The following PRKD1 variants were observed in gnomAD, a reference collection of about 807,000 sequenced individuals.
PRKD1 encodes protein kinase D1, also known as serine/threonine-protein kinase D1.
PRKD1 carries 63 observed loss-of-function variants against 95.9 expected under a neutral mutation model. The observed-to-expected ratio is 0.66, with a 90% CI of 0.54 to 0.81. The LOEUF is 0.81. PRKD1 is among the 30% of genes least tolerant of loss of function. The probability of loss-of-function intolerance (pLI) is 0.00; values close to 1 mark genes in which losing one functional copy is unlikely to be tolerated. For synonymous variants in PRKD1, 425 were observed against 423.1 expected (o/e 1.00, Z -0.05); for missense variants, 1,048 against 1,165.3 (o/e 0.90, Z 1.47).
At chr14:29,782,880 T>C (rs1393072502) in intron 1 of PRKD1, among the ~76,000 whole-genome samples, 1 of 152,104 alleles carries the variant, frequency 6.6e-6, no homozygotes, top group Non-Finnish European at 1.5e-5. Flanking sequence ...GATGCAGAAA[T>C]TTTCAGTTTT....
At chr14:29,730,888 T>C (rs986241514) in intron 1 of PRKD1, among the ~76,000 whole-genome samples, 1 of 152,104 alleles carries the variant, frequency 6.6e-6, no homozygotes, top group South Asian at 2.1e-4. Flanking sequence ...GGAAAAAGGA[T>C]ATAAAATTTA....
chr14:29,785,106 T>C (rs1889207643), intron 1 of PRKD1, among the ~76,000 whole-genome samples: 1 of 152,184 alleles, frequency 6.6e-6, no homozygotes, highest in South Asian at 2.1e-4. Flanking sequence ...CTCACAAATA[T>C]GTACAGCTGC....
At chr14:29,683,646 G>A (rs1220431074) in intron 2 of PRKD1, among the ~76,000 whole-genome samples, 1 of 152,050 alleles carries the variant, frequency 6.6e-6, no homozygotes, top group Non-Finnish European at 1.5e-5. Context: ...CAAATAGAAG[G>A]GTTTAAAAAT....
chr14:29,840,680 T>C (rs1205799509), intron 1 of PRKD1, among the ~76,000 whole-genome samples: 2 of 152,162 alleles, frequency 1.3e-5, no homozygotes, highest in African/African-American at 4.8e-5. Context: ...CTCACAATCA[T>C]GGCAGAAGGC....
At chr14:29,656,431 A>C in intron 4 of PRKD1, 2 of 1,495,536 alleles carry the variant, frequency 1.3e-6, no homozygotes, top group South Asian at 2.4e-5. Context: ...GGTTTGAAAA[A>C]GACAGTGAAG....
At chr14:29,696,845 G>T (rs1294953119) in intron 2 of PRKD1, among the ~76,000 whole-genome samples, 1 of 152,002 alleles carries the variant, frequency 6.6e-6, no homozygotes, top group African/African-American at 2.4e-5. Context: ...GAAAATGAGT[G>T]GTAACTTATA....
At chr14:29,807,647 C>T (rs1890290692) in intron 1 of PRKD1, among the ~76,000 whole-genome samples, 1 of 152,068 alleles carries the variant, frequency 6.6e-6, no homozygotes, top group Admixed American at 6.5e-5. Flanking sequence ...GATCCACCAC[C>T]TCAGCCTTCC....
At chr14:29,578,543 T>TAAAAAAAAAAAAA (rs992449669) in intron 16 of PRKD1, among the ~76,000 whole-genome samples, 183 bp from the exon 17 acceptor site, 1 of 42,684 alleles carries the variant, frequency 2.3e-5, no homozygotes, top group African/African-American at 7.5e-5. Flanking sequence ...TTTTGGATAC[T>TAAAAAAAAAAAAA]AAAAAAAAAA....
At chr14:29,638,448 T>TA in intron 6 of PRKD1, 41 bp downstream of exon 6, 1 of 1,602,964 alleles carries the variant, frequency 6.2e-7, no homozygotes, top group South Asian at 1.1e-5. Flanking sequence ...CACTCTCTAA[T>TA]ATGGAAGAAG....
At chr14:29,883,260 C>A (rs1283224410) in intron 1 of PRKD1, among the ~76,000 whole-genome samples, 1 of 152,158 alleles carries the variant, frequency 6.6e-6, no homozygotes, top group East Asian at 1.9e-4. Context: ...CCAGGCCCCA[C>A]CTCCGCATTA....
At chr14:29,681,091 A>G (rs1404004490) in intron 2 of PRKD1, among the ~76,000 whole-genome samples, 2 of 152,260 alleles carry the variant, frequency 1.3e-5, no homozygotes, top group Non-Finnish European at 2.9e-5. Context: ...ACAGAGAATA[A>G]GAAATGGTCT....
At chr14:29,723,175 T>C in intron 2 of PRKD1, among the ~76,000 whole-genome samples, 1 of 152,098 alleles carries the variant, frequency 6.6e-6, no homozygotes, top group East Asian at 1.9e-4. Flanking sequence ...AAATGGAAAG[T>C]AAAATTAGGA....
intron 1 of PRKD1, among the ~76,000 whole-genome samples, chr14:29,871,721 G>A (rs920484609): frequency 3.9e-5 from 6 of 152,150 alleles, no homozygotes; most frequent in Non-Finnish European, 7.4e-5. Context: ...AGGCCCATGG[G>A]TATGAGTATG....
intron 1 of PRKD1, among the ~76,000 whole-genome samples, chr14:29,810,982 C>G (rs560422750): frequency 6.6e-6 from 1 of 152,274 alleles, no homozygotes; most frequent in Non-Finnish European, 1.5e-5. Flanking sequence ...CACTGAATAT[C>G]TTCTTATTAT....
chr14:29,897,395 C>A (rs1894172122), intron 1 of PRKD1, among the ~76,000 whole-genome samples: 2 of 152,088 alleles, frequency 1.3e-5, no homozygotes, highest in African/African-American at 4.8e-5. Context: ...ATCAGATATT[C>A]CTGCACATAT....
At chr14:29,732,093 G>A (rs772759650) in intron 1 of PRKD1, among the ~76,000 whole-genome samples, 1 of 151,918 alleles carries the variant, frequency 6.6e-6, no homozygotes, top group Non-Finnish European at 1.5e-5. Flanking sequence ...GGCTGGTCTC[G>A]AACTCCTGAC....
At chr14:29,626,435 A>G (rs1594373645) in intron 12 of PRKD1, 49 bp downstream of exon 12, 1 of 1,445,412 alleles carries the variant, frequency 6.9e-7, no homozygotes. Context: ...TTTAAAATAT[A>G]ACTAGCAAAA....
At chr14:29,734,352 A>G (rs1247998169) in intron 1 of PRKD1, among the ~76,000 whole-genome samples, 1 of 151,704 alleles carries the variant, frequency 6.6e-6, no homozygotes, top group African/African-American at 2.4e-5. Context: ...CTGCTTTTTT[A>G]TATGTGTAAA....
At chr14:29,737,715 G>A (rs957255297) in intron 1 of PRKD1, among the ~76,000 whole-genome samples, 1 of 152,134 alleles carries the variant, frequency 6.6e-6, no homozygotes, top group African/African-American at 2.4e-5. Context: ...TAGCTCCCTT[G>A]GTGGAGTGGT....
Sources: gnomAD v4.1 joint callset for allele counts (sites outside exome capture counted in the v4.1 genomes callset) on GRCh38, gnomAD v4.1.1 for gene constraint, MANE v1.5 for transcripts, NCBI Gene and HGNC (gene_info 2026-07-23, HGNC 2026-07-21) for gene names.